ATRX: variants seen among roughly 807,000 people sequenced by gnomAD.
ATRX encodes the protein chromatin remodeler ATRX.
A neutral mutation model predicts 172.6 loss-of-function variants in ATRX; 12 were observed. The observed-to-expected ratio is 0.07, with a 90% CI of 0.04 to 0.11. The LOEUF (loss-of-function observed/expected upper bound fraction) is 0.11. Among genes scored for constraint, ATRX ranks in the 10% least tolerant of loss-of-function variants. The probability of loss-of-function intolerance (pLI) is 1.00; values close to 1 mark genes in which losing one functional copy is unlikely to be tolerated. For missense variants in ATRX, 1,368 were observed against 1,767.4 expected (o/e 0.77, Z 4.05); for synonymous variants, 674 against 594.7 (o/e 1.13, Z -1.94).
At chrX:77,784,368 C>A in intron 1 of ATRX, among the ~76,000 whole-genome samples, 1 of 112,429 alleles carries the variant, frequency 8.9e-6, no homozygotes, top group East Asian at 2.7e-4. Context: ...GAAAAACTGA[C>A]CCTTGTGTAA....
chrX:77,699,076 G>A (rs782379084), intron 2 of ATRX, among the ~76,000 whole-genome samples: 16 of 109,510 alleles, frequency 1.5e-4, no homozygotes, highest in Non-Finnish European at 3.0e-4. Flanking sequence ...AATGAAATAG[G>A]AAATAGAAAA....
intron 1 of ATRX, among the ~76,000 whole-genome samples, chrX:77,775,204 A>T (rs1557201636): frequency 8.9e-6 from 1 of 111,762 alleles, no homozygotes; most frequent in African/African-American, 3.2e-5. Flanking sequence ...AAACATGGTA[A>T]AATGTTACCC....
intron 9 of ATRX, among the ~76,000 whole-genome samples, chrX:77,677,550 G>C: frequency 9.0e-6 from 1 of 111,188 alleles, no homozygotes; most frequent in Non-Finnish European, 1.9e-5. Context: ...ATGAGTGCAT[G>C]TGAAACTGGT....
At chrX:77,738,558 CTT>C (rs781834798) in intron 1 of ATRX, among the ~76,000 whole-genome samples, 2 of 73,529 alleles carry the variant, frequency 2.7e-5, no homozygotes, top group Admixed American at 1.5e-4. Context: ...TCTTTTGTGT[CTT>C]TTTTTTTTTT....
At position 77,682,727 on chromosome X, in the gene ATRX, A is replaced by G. The variant is rs1557139412; in HGVS notation, c.2529T>C (p.Asn843=). 8.3e-7 allele frequency: 1 copy of G among 1,209,348 alleles called. No individual in the cohort carries two copies. Among genetic ancestry groups the G allele is most frequent in the Non-Finnish European group, 1.1e-6 (1 of 894,975 alleles). ...CTTCAGAAGAGTCAAAATCTTTTGT[A>G]TTTGGAATTCTTTTTTTGGTGGTTC... ...AARTTKKRIP[N]TKDFDSSEDE... is the part of the protein sequence containing the mutation. The change falls in exon 9 of 35, where the codon AAT becomes AAC. Residue 843 remains asparagine, a synonymous_variant. Coordinates refer to ENST00000373344, the MANE Select transcript of ATRX (RefSeq NM_000489.6).
chrX:77,654,630 C>G (rs3027564), intron 13 of ATRX, among the ~76,000 whole-genome samples: 111 of 111,007 alleles, frequency 1.0e-3, no homozygotes, highest in African/African-American at 3.5e-3. Context: ...AATTGGTACA[C>G]AAAGCTACAT....
At chrX:77,642,948 G>A (rs1206695959) in intron 15 of ATRX, among the ~76,000 whole-genome samples, 17 of 111,060 alleles carry the variant, frequency 1.5e-4, no homozygotes, top group African/African-American at 5.6e-4. Context: ...AGGCAACATA[G>A]CAAGACCCTG....
intron 28 of ATRX, among the ~76,000 whole-genome samples, chrX:77,569,227 T>C (rs1270217157): frequency 9.0e-6 from 1 of 111,730 alleles, no homozygotes; most frequent in African/African-American, 3.3e-5. Context: ...AAGGTAAGGA[T>C]GTCCACTCTC....
At chrX:77,766,627 G>C (rs1369176970) in intron 1 of ATRX, among the ~76,000 whole-genome samples, 1 of 107,855 alleles carries the variant, frequency 9.3e-6, no homozygotes, top group Non-Finnish European at 1.9e-5. Context: ...ACGATGAGCG[G>C]CCGGGCAGAG....
intron 28 of ATRX, among the ~76,000 whole-genome samples, chrX:77,561,326 T>TACAC (rs1164623240): frequency 9.1e-6 from 1 of 109,770 alleles, no homozygotes; most frequent in South Asian, 3.9e-4. Context: ...CATACATACA[T>TACAC]ACACACACAC....
chrX:77,762,887 A>G (rs2075771339), intron 1 of ATRX, among the ~76,000 whole-genome samples: 1 of 111,350 alleles, frequency 9.0e-6, no homozygotes, highest in Non-Finnish European at 1.9e-5. Flanking sequence ...TACAATTATG[A>G]TGTGTACTGG....
intron 1 of ATRX, among the ~76,000 whole-genome samples, chrX:77,737,673 A>T (rs1268807397): frequency 5.4e-5 from 6 of 110,669 alleles, no homozygotes; most frequent in African/African-American, 1.6e-4. Flanking sequence ...ACATGATGTG[A>T]TTAGTACACA....
intron 28 of ATRX, among the ~76,000 whole-genome samples, chrX:77,566,220 T>C (rs1557064474): frequency 9.0e-6 from 1 of 110,959 alleles, no homozygotes; most frequent in Non-Finnish European, 1.9e-5. Flanking sequence ...AATATATCAG[T>C]CATCTTCCAA....
intron 28 of ATRX, among the ~76,000 whole-genome samples, chrX:77,572,991 C>T (rs1240543478): frequency 9.0e-6 from 1 of 111,725 alleles, no homozygotes; most frequent in Non-Finnish European, 1.9e-5. Flanking sequence ...TTAAGGCATA[C>T]TTCAGCCATC....
chrX:77,754,149 G>A (rs2075402029), intron 1 of ATRX, among the ~76,000 whole-genome samples: 1 of 110,959 alleles, frequency 9.0e-6, no homozygotes, highest in South Asian at 3.8e-4. Context: ...CAGAGACTAG[G>A]ATTACAACAC....
chrX:77,611,139 C>T (rs782065508), intron 22 of ATRX, among the ~76,000 whole-genome samples: 1 of 110,677 alleles, frequency 9.0e-6, no homozygotes, highest in South Asian at 3.7e-4. Context: ...GTATTAGTGC[C>T]TTTCAATATT....
chrX:77,540,331 C>A (rs2063926568), intron 30 of ATRX, among the ~76,000 whole-genome samples: 1 of 111,219 alleles, frequency 9.0e-6, no homozygotes, highest in South Asian at 3.8e-4. Context: ...TTCTTAGAGG[C>A]CTACAAAGAG....
At chrX:77,653,506 C>A (rs1557118353) in intron 14 of ATRX, among the ~76,000 whole-genome samples, 1 of 111,603 alleles carries the variant, frequency 9.0e-6, no homozygotes, top group East Asian at 2.8e-4. Flanking sequence ...TACACAAATT[C>A]TTGGAGACAT....
intron 12 of ATRX, among the ~76,000 whole-genome samples, chrX:77,661,606 A>G (rs1557122726): frequency 9.0e-6 from 1 of 111,413 alleles, no homozygotes; most frequent in Non-Finnish European, 1.9e-5. Context: ...TACTAACAAC[A>G]GTCTTCAAAA....
Sources: gnomAD v4.1 joint callset for allele counts (sites outside exome capture counted in the v4.1 genomes callset) on GRCh38, gnomAD v4.1.1 for gene constraint, MANE v1.5 for transcripts, NCBI Gene and HGNC (gene_info 2026-07-23, HGNC 2026-07-21) for gene names.